SATL1: variants seen among roughly 807,000 people sequenced by gnomAD.
The protein encoded by SATL1 is spermidine/spermine N(1)-acetyltransferase-like protein 1.
Under a neutral mutation model 51.8 loss-of-function variants are expected in SATL1, and 47 were observed. The ratio of observed to expected loss-of-function variants is 0.91; its 90% confidence interval spans 0.72 to 1.16. The LOEUF (loss-of-function observed/expected upper bound fraction) is 1.16. Ranked by LOEUF, SATL1 falls within the 50% of genes most tolerant of loss-of-function variation. The probability of loss-of-function intolerance (pLI) is 0.00; values close to 1 mark genes in which losing one functional copy is unlikely to be tolerated. For missense variants in SATL1, 520 were observed against 526.4 expected, an observed-to-expected ratio of 0.99 and a Z score of 0.12; for synonymous variants, 176 against 182.4, an observed-to-expected ratio of 0.97 and a Z score of 0.28.
intron 2 of SATL1, among the ~76,000 whole-genome samples, chrX:85,181,962 T>A (rs1032417831): frequency 1.8e-5 from 2 of 111,507 alleles, no homozygotes; most frequent in Non-Finnish European, 3.8e-5. Context: ...ATTAAAAAAA[T>A]TTTAACTGGA....
At chrX:85,201,810 C>T (rs917423588) in intron 2 of SATL1, among the ~76,000 whole-genome samples, 2 of 112,379 alleles carry the variant, frequency 1.8e-5, no homozygotes, top group Admixed American at 1.9e-4. Context: ...TCTTTTATGG[C>T]TGTATAATAT....
At chrX:85,236,987 C>A (rs771704252) in intron 1 of SATL1, among the ~76,000 whole-genome samples, 1 of 111,318 alleles carries the variant, frequency 9.0e-6, no homozygotes, top group Non-Finnish European at 1.9e-5. Flanking sequence ...AAATCAGTAG[C>A]ATTTCTATAA....
At chrX:85,118,994 T>A (rs1234539604) in intron 2 of SATL1, among the ~76,000 whole-genome samples, 2 of 111,927 alleles carry the variant, frequency 1.8e-5, no homozygotes, top group African/African-American at 6.5e-5. Context: ...TTTCAAAAAA[T>A]TATTATCATT....
chrX:85,212,966 A>G (rs1461446846), intron 2 of SATL1: 1 of 112,086 alleles, frequency 8.9e-6, no homozygotes, highest in Non-Finnish European at 1.9e-5. Context: ...GACAAACTTC[A>G]AGACAAATGT....
chrX:85,107,536 T>A lies in SATL1; in HGVS notation c.1433A>T (p.Gln478Leu), dbSNP rs1925085945. ...QTGMSHPGRG[Q>L]PGIWEPGPSQ... ...CGGCCCCGGTTCCCATATGCCTGGT[T>A]GGCCCCTGCCTGGATGGCTCATGCC... The change falls in exon 3 of 8, where the codon CAA (glutamine) becomes CTA (leucine). Residue 478 changes from glutamine to leucine, a missense_variant. This residue lies in a region of SATL1 where 488 missense variants were observed against 474.3 expected (regional missense o/e 1.03). Coordinates refer to ENST00000644105, the MANE Select transcript of SATL1 (RefSeq NM_001367857.2). 8.3e-7 allele frequency: 1 copy of A among 1,211,247 alleles called. No homozygotes were observed. The highest frequency in any genetic ancestry group is 1.7e-5 in the African/African-American group (1 of 57,494).
chrX:85,168,380 C>T (rs1276813108), intron 2 of SATL1, among the ~76,000 whole-genome samples: 2 of 111,505 alleles, frequency 1.8e-5, no homozygotes, highest in African/African-American at 6.5e-5. Flanking sequence ...TATAAAGTTC[C>T]ATAGTCTCAG....
chrX:85,118,087 C>CTTTTTTTTTTTT lies in SATL1; in HGVS notation c.-312-8819_-312-8808dup, dbSNP rs747093188. ...TTTTGCAAATAAAAAAAGAACTTAG[C>CTTTTTTTTTTTT]TTTTTTTTTTTTTTTTCCAGAGTGC... On this transcript the variant is annotated intron_variant, in intron 2 of 7. Transcript: ENST00000644105. 1.0e-3 allele frequency among the ~76,000 whole-genome samples: 48 copies of CTTTTTTTTTTTT among 46,162 alleles called. 3 individuals carry two copies. The highest frequency in any genetic ancestry group is 2.6e-3 in the African/African-American group (45 of 17,013). 40.1% of individuals were successfully genotyped at this position (46,162 alleles called of 115,157 possible). A position where few individuals can be genotyped will look rare whatever the true frequency, so the allele number is the denominator to read the frequency against.
intron 2 of SATL1, among the ~76,000 whole-genome samples, chrX:85,162,540 T>C (rs1419821822): frequency 1.8e-5 from 2 of 111,585 alleles, no homozygotes; most frequent in Non-Finnish European, 3.8e-5. Flanking sequence ...TTCTTTCTCT[T>C]GTCTGATTTC....
intron 2 of SATL1, among the ~76,000 whole-genome samples, chrX:85,188,448 C>T (rs1054204161): frequency 9.0e-6 from 1 of 111,202 alleles, no homozygotes; most frequent in Non-Finnish European, 1.9e-5. Flanking sequence ...ATTGTAATAT[C>T]AATTAGCTAC....
In SATL1 at chrX:85,108,398, G is replaced by C. The variant is rs771411934; in HGVS notation, c.571C>G (p.Pro191Ala). The change falls in exon 3 of 8, where the codon CCA becomes GCA. Residue 191 changes from proline (P) to alanine (A), a missense_variant. Pro to Ala is a conservative substitution (Grantham distance 27). This residue lies in a region of SATL1 where 488 missense variants were observed against 474.3 expected (regional missense o/e 1.03). Coordinates refer to ENST00000644105, the MANE Select transcript of SATL1 (RefSeq NM_001367857.2). ...PVLRQPNMSP[P>A]GMWQPGVQQP... is the part of the protein sequence containing the mutation. ...TGCACGCCTGGTTGCCACATGCCTGGTGGACTCATGTTTGGTTGCCTCAGG... is the reference window on the plus strand; with the variant it reads ...TGCACGCCTGGTTGCCACATGCCTGCTGGACTCATGTTTGGTTGCCTCAGG... 37 of 1,209,621 alleles carry C rather than the reference G, an allele frequency of 3.1e-5. No individual in the cohort carries two copies. Among genetic ancestry groups the C allele is most frequent in the Non-Finnish European group, 3.9e-5 (35 of 895,143 alleles).
At chrX:85,121,323 T>C (rs1276836700) in intron 2 of SATL1, among the ~76,000 whole-genome samples, 2 of 104,867 alleles carry the variant, frequency 1.9e-5, no homozygotes, top group African/African-American at 6.8e-5. Context: ...TATATGTATG[T>C]ATATAAATAT....
chrX:85,139,408 C>G (rs749847679), intron 2 of SATL1, among the ~76,000 whole-genome samples: 1 of 111,629 alleles, frequency 9.0e-6, no homozygotes, highest in Admixed American at 9.5e-5. Context: ...CAGTAACCCA[C>G]TGAGGTACAT....
intron 2 of SATL1, among the ~76,000 whole-genome samples, chrX:85,184,826 C>G (rs893477537): frequency 1.8e-5 from 2 of 112,068 alleles, no homozygotes; most frequent in African/African-American, 6.5e-5. Context: ...TAATTGGTCA[C>G]TGGTGCCTTA....
At chrX:85,221,210 C>G (rs771865612) in intron 2 of SATL1, among the ~76,000 whole-genome samples, 11 of 111,790 alleles carry the variant, frequency 9.8e-5, no homozygotes, top group Non-Finnish European at 1.7e-4. Context: ...CTTTCTGTCT[C>G]TATCTATATT....
At chrX:85,223,884 G>A (rs1380378694) in intron 2 of SATL1, among the ~76,000 whole-genome samples, 2 of 111,084 alleles carry the variant, frequency 1.8e-5, no homozygotes, top group Non-Finnish European at 3.8e-5. Flanking sequence ...AATGGACTAG[G>A]GGAGCAGGGA....
chrX:85,145,460 T>A (rs1187266617), intron 2 of SATL1, among the ~76,000 whole-genome samples: 1 of 112,030 alleles, frequency 8.9e-6, no homozygotes, highest in Non-Finnish European at 1.9e-5. Flanking sequence ...ATAGGCCATT[T>A]TTTTGTGATT....
chrX:85,145,594 A>C, intron 2 of SATL1, among the ~76,000 whole-genome samples: 1 of 111,845 alleles, frequency 8.9e-6, no homozygotes, highest in East Asian at 2.8e-4. Context: ...AGTGTATTAC[A>C]TATTAAAAGC....
At chrX:85,210,835 A>C (rs1277901574) in intron 2 of SATL1, 1 of 111,955 alleles carries the variant, frequency 8.9e-6, no homozygotes, top group Non-Finnish European at 1.9e-5. Context: ...ATTATAAAGA[A>C]GATTGCAGAA....
At chrX:85,240,169 G>T (rs931652804) in intron 1 of SATL1, among the ~76,000 whole-genome samples, 1 of 111,535 alleles carries the variant, frequency 9.0e-6, no homozygotes, top group African/African-American at 3.3e-5. Context: ...TTAAATGGAC[G>T]CTTCATCAGA....
Sources: allele counts gnomAD v4.1 joint callset (sites outside exome capture counted in the v4.1 genomes callset), GRCh38; gene constraint gnomAD v4.1.1; regional missense constraint gnomAD v4.1.1; transcripts MANE v1.5; gene names NCBI Gene and HGNC (gene_info 2026-07-23, HGNC 2026-07-21).